Variants in ATP8B4 observed in about 807,000 individuals in gnomAD.
ATP8B4 encodes the protein ATPase phospholipid transporting 8B4 (putative).
In ATP8B4, 133 loss-of-function variants were observed where a neutral mutation model predicts 145.6. The ratio of observed to expected loss-of-function variants is 0.91; its 90% confidence interval spans 0.79 to 1.05. The LOEUF is 1.05. Among genes scored for constraint, ATP8B4 ranks in the 50% least tolerant of loss-of-function variants. The pLI is 0.00. For synonymous variants in ATP8B4, 507 were observed against 492.9 expected (o/e 1.03, Z -0.38); for missense variants, 1,458 against 1,425.2 (o/e 1.02, Z -0.37).
chr15:49,873,508 T>G (rs1410259626), intron 25 of ATP8B4, among the ~76,000 whole-genome samples: 1 of 152,188 alleles, frequency 6.6e-6, no homozygotes, highest in Non-Finnish European at 1.5e-5. Context: ...CAAAGTTAAG[T>G]GAAAAAATAA....
At position 50,038,209 on chromosome 15, in the gene ATP8B4, A is replaced by T. The variant is rs193266518; in HGVS notation, c.362+559T>A. Among the ~76,000 whole-genome samples, 3 of 152,362 alleles carry T rather than the reference A, an allele frequency of 2.0e-5. No homozygotes were observed. The East Asian group carries it at 5.8e-4, about 29-fold the overall frequency. On this transcript the variant is annotated intron_variant, in intron 6 of 27. Coordinates refer to ENST00000284509, the MANE Select transcript of ATP8B4 (RefSeq NM_024837.4). Reference sequence around the variant, plus strand: ...GGTGTTTTTGCAGTCGTTTGTGGATAAATGCATGTGTTTTTAAAGCATTTC... The same window carrying T: ...GGTGTTTTTGCAGTCGTTTGTGGATTAATGCATGTGTTTTTAAAGCATTTC...
chr15:50,043,200 T>C (rs2051441556), intron 5 of ATP8B4, among the ~76,000 whole-genome samples: 1 of 152,242 alleles, frequency 6.6e-6, no homozygotes, highest in Non-Finnish European at 1.5e-5. Context: ...TCACTCAGGA[T>C]GAAAATATAA....
At chr15:50,132,681 T>C (rs2044064059) in intron 1 of ATP8B4, among the ~76,000 whole-genome samples, 1 of 152,200 alleles carries the variant, frequency 6.6e-6, no homozygotes, top group Admixed American at 6.5e-5. Flanking sequence ...TGCAGCACTA[T>C]TCACACTAGC....
In ATP8B4 at chr15:49,879,473, T is replaced by C. The variant is rs761278242; in HGVS notation, c.2698-14A>G. On this transcript the variant is annotated splice_polypyrimidine_tract_variant and intron_variant, in intron 23 of 27. Transcript: ENST00000284509. ...GTCATAAACAGTCTGAAAAGAAATATAACATATAAGTGAGAAACATCATCC... is the reference window on the plus strand; with the variant it reads ...GTCATAAACAGTCTGAAAAGAAATACAACATATAAGTGAGAAACATCATCC... 30 of 1,577,812 alleles carry C rather than the reference T, an allele frequency of 1.9e-5. No homozygotes were observed. Among genetic ancestry groups the C allele is most frequent in the Non-Finnish European group, 5.2e-6 (6 of 1,152,772 alleles).
chr15:49,897,517 T>C lies in ATP8B4; in HGVS notation c.2474-2A>G. 1 of 1,523,412 alleles carries C rather than the reference T, an allele frequency of 6.6e-7. No individual in the cohort carries two copies. Among genetic ancestry groups the C allele is most frequent in the Non-Finnish European group, 8.8e-7 (1 of 1,135,284 alleles). 94.4% of individuals were successfully genotyped at this position (1,523,412 alleles called of 1,614,324 possible). A position where few individuals can be genotyped will look rare whatever the true frequency, so the allele number is the denominator to read the frequency against. ...TGATGCCAACACCAATGTGAGCACCTACAAAGGAAAGAGGAACACTGTCAC... is the reference window on the plus strand; with the variant it reads ...TGATGCCAACACCAATGTGAGCACCCACAAAGGAAAGAGGAACACTGTCAC... On this transcript the variant is annotated splice_acceptor_variant, in intron 22 of 27. Transcript: ENST00000284509. LOFTEE classifies it high-confidence loss of function.
intron 3 of ATP8B4, among the ~76,000 whole-genome samples, chr15:50,063,338 C>T (rs2053160975): frequency 6.6e-6 from 1 of 151,764 alleles, no homozygotes; most frequent in African/African-American, 2.4e-5. Flanking sequence ...ATCCAGGTTG[C>T]CCATTAGAAT....
At chr15:49,908,322 G>C (rs775339808) in intron 20 of ATP8B4, among the ~76,000 whole-genome samples, 7 of 152,230 alleles carry the variant, frequency 4.6e-5, no homozygotes, top group Non-Finnish European at 1.0e-4. Context: ...CACCAAGATA[G>C]AGAGTAGATA....
rs557055813 is a variant in ATP8B4, at chr15:50,130,603, C to A, written c.-42-23595G>T. ...CATCCTGGCTAACAAGGTGAAACCC[C>A]GTCTCTACTAAAAATATAAAAAATT... On this transcript the variant is annotated intron_variant, in intron 1 of 3. Coordinates refer to the ATP8B4 transcript ENST00000558829. Among the ~76,000 whole-genome samples the A allele has an allele frequency of 4.4e-4, 67 of 151,844 alleles. 1 individual carries two copies. The South Asian group carries it at 0.014, about 31-fold the overall frequency.
intron 6 of ATP8B4, among the ~76,000 whole-genome samples, chr15:50,027,694 C>A (rs2050117677): frequency 6.6e-6 from 1 of 152,170 alleles, no homozygotes; most frequent in African/African-American, 2.4e-5. Context: ...AATTTAAAAT[C>A]CAGTAAGTGT....
chr15:49,950,548 CTCT>C (rs1164441917), intron 14 of ATP8B4, among the ~76,000 whole-genome samples: 8 of 145,204 alleles, frequency 5.5e-5, no homozygotes, highest in Non-Finnish European at 9.0e-5. Flanking sequence ...ATTCTTCTCT[CTCT>C]TCTTCTTTTT....
chr15:49,898,895 C>T (rs1330810049), intron 21 of ATP8B4, among the ~76,000 whole-genome samples: 1 of 152,126 alleles, frequency 6.6e-6, no homozygotes, highest in Non-Finnish European at 1.5e-5. Flanking sequence ...TTTAGCTATA[C>T]CAAGAAATCA....
Position 49,859,355 on chromosome 15 carries a change from G to C in ATP8B4, c.*839C>G, listed in dbSNP as rs936298758. 3.3e-5 allele frequency: 5 copies of C among 152,192 alleles called. No homozygotes were observed. Among genetic ancestry groups the C allele is most frequent in the African/African-American group, 9.7e-5 (4 of 41,436 alleles). The allele number at this position is 152,192 out of a possible 1,614,324, so 9.4% of individuals were successfully genotyped here. A position where few individuals can be genotyped will look rare whatever the true frequency, so the allele number is the denominator to read the frequency against. ...ATGTGGAATATTATCATTAAAGTGT[G>C]AAATTCCAGTGCTTTGCTGATTCTA... is the stretch of plus-strand genomic sequence containing the variant. On this transcript the variant is annotated 3_prime_UTR_variant, in exon 28 of 28. Transcript: ENST00000284509.
upstream of ATP8B4, among the ~76,000 whole-genome samples, chr15:50,123,662 C>T (rs1024388738): frequency 2.0e-5 from 3 of 152,154 alleles, no homozygotes; most frequent in African/African-American, 7.2e-5. Context: ...AAACTCCTGT[C>T]TCCCATACAG....
chr15:50,146,247 G>A lies in ATP8B4; in HGVS notation c.-43+36014C>T, dbSNP rs140247156. The stretch of plus-strand genomic sequence containing the variant: ...CAGGCTGGTCTTGAACTCTGACCTC[G>A]TGATTCACCTGCCTTGGCCTCCCAA... On this transcript the variant is annotated intron_variant, in intron 1 of 3. Transcript: ENST00000558829. Among the ~76,000 whole-genome samples, 871 of 152,100 alleles carry A rather than the reference G, an allele frequency of 5.7e-3. 10 individuals are homozygous for A. The highest frequency in any genetic ancestry group is 0.02 in the African/African-American group (836 of 41,490).
In ATP8B4 at chr15:49,916,985, T is replaced by C. The variant is rs114920507; in HGVS notation, c.2090A>G (p.Asp697Gly). ...ACNMLTDDMNDVFVIAGNNAV... is the reference protein window; with the variant it reads ...ACNMLTDDMNGVFVIAGNNAV... ...ATTATTCCCTGCTATCACAAACACA[T>C]CATTCATGTCGTCAGTCAGCATGTT... Residue 697 changes from aspartate (D) to glycine (G), a missense_variant, in exon 20 of 28, where the codon GAT becomes GGT. Asp to Gly is a moderately conservative substitution (Grantham distance 94). Transcript: ENST00000284509. 6.2e-7 allele frequency: 1 copy of C among 1,613,830 alleles called. No homozygotes were observed. Among genetic ancestry groups the C allele is most frequent in the South Asian group, 1.1e-5 (1 of 91,054 alleles).
At chr15:49,968,901 G>T (rs1406270398) in intron 13 of ATP8B4, among the ~76,000 whole-genome samples, 1 of 152,152 alleles carries the variant, frequency 6.6e-6, no homozygotes, top group African/African-American at 2.4e-5. Context: ...AAATGCAAAA[G>T]AATGGAAATC....
At chr15:50,156,435 G>A (rs1281658025) in intron 1 of ATP8B4, among the ~76,000 whole-genome samples, 2 of 152,022 alleles carry the variant, frequency 1.3e-5, no homozygotes, top group Admixed American at 1.3e-4. Flanking sequence ...TCTTTAGGCA[G>A]TTGGGTACAT....
intron 20 of ATP8B4, chr15:49,907,911 T>C (rs2038797127): frequency 8.0e-6 from 3 of 373,916 alleles, no homozygotes; most frequent in Non-Finnish European, 1.6e-5. Context: ...ATTTTTAGGT[T>C]AATTATTAAA....
intron 3 of ATP8B4, among the ~76,000 whole-genome samples, chr15:50,072,007 C>T (rs1462611771): frequency 6.7e-6 from 1 of 149,916 alleles, no homozygotes; most frequent in African/African-American, 2.5e-5. Context: ...TTTAAGCTAC[C>T]TCTCCTAAAT....
Sources: gnomAD v4.1 joint callset for allele counts (sites outside exome capture counted in the v4.1 genomes callset) on GRCh38, gnomAD v4.1.1 for gene constraint, MANE v1.5 for transcripts, NCBI Gene and HGNC (gene_info 2026-07-23, HGNC 2026-07-21) for gene names.